The following PPM1D variants were observed in gnomAD, a reference collection of about 807,000 sequenced individuals.
The protein encoded by PPM1D is protein phosphatase 1D.
PPM1D carries 52 observed loss-of-function variants against 58.3 expected under a neutral mutation model. That is an observed-to-expected ratio of 0.89 (90% CI 0.71 to 1.12). PPM1D has a LOEUF of 1.12. Among genes scored for constraint, PPM1D ranks in the 50% most tolerant of loss-of-function variants. PPM1D has a pLI of 0.00. For synonymous variants in PPM1D, 278 were observed against 285.1 expected (o/e 0.98, Z 0.25); for missense variants, 564 against 777.2 (o/e 0.73, Z 3.26).
At position 60,666,159 on chromosome 17, in the gene PPM1D, T is replaced by C. The variant is rs577349984; in HGVS notation, c.*2607T>C. 2.0e-5 allele frequency: 3 copies of C among 152,310 alleles called. No homozygotes were observed. Among genetic ancestry groups the C allele is most frequent in the South Asian group, 2.1e-4 (1 of 4,828 alleles). The allele number at this position is 152,310 out of a possible 1,614,324, so 9.4% of individuals were successfully genotyped here. On this transcript the variant is annotated 3_prime_UTR_variant, in exon 6 of 6. Coordinates refer to ENST00000305921, the MANE Select transcript of PPM1D (RefSeq NM_003620.4). ...GTTTTAGTAGGGTGTGCAATAGTTATGTTTTGGTAATAGCATTAATGAACA... is the reference window on the plus strand; with the variant it reads ...GTTTTAGTAGGGTGTGCAATAGTTACGTTTTGGTAATAGCATTAATGAACA...
intron 1 of PPM1D, among the ~76,000 whole-genome samples, chr17:60,614,021 T>TGAGGAGTGC (rs1567965651): frequency 1.6e-4 from 6 of 37,742 alleles, no homozygotes; most frequent in Non-Finnish European, 1.5e-3. Context: ...CTGAGGAGTG[T>TGAGGAGTGC]GGGCGCAAGG....
chr17:60,612,013 C>T (rs1412869747), intron 1 of PPM1D, among the ~76,000 whole-genome samples: 1 of 151,162 alleles, frequency 6.6e-6, no homozygotes, highest in Non-Finnish European at 1.5e-5. Context: ...CCACTGACTA[C>T]ATGTAGTCAG....
chr17:60,648,389 T>G (rs993696965), intron 4 of PPM1D, among the ~76,000 whole-genome samples: 3 of 137,666 alleles, frequency 2.2e-5, no homozygotes, highest in East Asian at 3.9e-4. Context: ...ATTTATCGTT[T>G]TTTTTTTTTT....
At chr17:60,626,845 A>G (rs937178903) in intron 2 of PPM1D, among the ~76,000 whole-genome samples, 7 of 152,146 alleles carry the variant, frequency 4.6e-5, no homozygotes, top group Non-Finnish European at 1.0e-4. Flanking sequence ...GCCCAGCTTC[A>G]GTAATGTTTT....
At chr17:60,640,604 G>A (rs778420268) in intron 3 of PPM1D, among the ~76,000 whole-genome samples, 15 of 152,104 alleles carry the variant, frequency 9.9e-5, no homozygotes, top group Admixed American at 2.0e-4. Context: ...ATATTGCATG[G>A]TGCTGAGGTT....
intron 3 of PPM1D, among the ~76,000 whole-genome samples, chr17:60,642,199 G>A (rs2031147418): frequency 6.6e-6 from 1 of 152,142 alleles, no homozygotes; most frequent in Non-Finnish European, 1.5e-5. Flanking sequence ...TGGTGAGTTT[G>A]TTGAAAGGTC....
chr17:60,610,797 C>A (rs572281803), intron 1 of PPM1D, among the ~76,000 whole-genome samples: 1 of 152,286 alleles, frequency 6.6e-6, no homozygotes, highest in East Asian at 1.9e-4. Context: ...ACTAGGGGAA[C>A]AATTGCTGGG....
chr17:60,600,609 G>A lies in PPM1D; in HGVS notation c.195G>A (p.Gly65=). The A allele has an allele frequency of 6.4e-7, 1 of 1,560,886 alleles. No individual in the cohort carries two copies. The highest frequency in any genetic ancestry group is 8.7e-7 in the Non-Finnish European group (1 of 1,154,464). Reference sequence around the variant, plus strand: ...CCCTTCCCGGCGGCGAAGTCTCGGGGAAAGGCCCAGCGGTGGCAGCCCGAG... The same window carrying A: ...CCCTTCCCGGCGGCGAAGTCTCGGGAAAAGGCCCAGCGGTGGCAGCCCGAG... ...PAALPGGEVS[G]KGPAVAAREA... The change falls in exon 1 of 6, where the codon GGG becomes GGA. Residue 65 remains glycine, a synonymous_variant. Transcript: ENST00000305921.
chr17:60,651,791 A>C (rs932013062), intron 4 of PPM1D, among the ~76,000 whole-genome samples: 6 of 152,218 alleles, frequency 3.9e-5, no homozygotes, highest in African/African-American at 1.4e-4. Context: ...TGAAGAAAAC[A>C]ATCTAAGTGA....
At chr17:60,657,290 G>A (rs62082135) in intron 5 of PPM1D, among the ~76,000 whole-genome samples, 1 of 152,108 alleles carries the variant, frequency 6.6e-6, no homozygotes, top group African/African-American at 2.4e-5. Flanking sequence ...CTGGTTGTCT[G>A]TTAACTCGTA....
At chr17:60,658,696 G>A (rs1344782576) in intron 5 of PPM1D, among the ~76,000 whole-genome samples, 1 of 151,940 alleles carries the variant, frequency 6.6e-6, no homozygotes, top group Non-Finnish European at 1.5e-5. Context: ...GGGCGTGGTG[G>A]CTCACGCCTG....
intron 1 of PPM1D, among the ~76,000 whole-genome samples, chr17:60,622,802 C>G (rs2030731939): frequency 6.6e-6 from 1 of 152,112 alleles, no homozygotes; most frequent in East Asian, 1.9e-4. Flanking sequence ...ATAGTTATTT[C>G]AAAAACAAAT....
At chr17:60,630,347 GT>G (rs1462177818) in intron 2 of PPM1D, among the ~76,000 whole-genome samples, 1 of 151,870 alleles carries the variant, frequency 6.6e-6, no homozygotes, top group Non-Finnish European at 1.5e-5. Flanking sequence ...TTTTAATAAT[GT>G]TTTTAGAAAG....
At position 60,600,849 on chromosome 17, in the gene PPM1D, C is replaced by G. The variant is rs755923321; in HGVS notation, c.435C>G (p.Gly145=). The G allele has an allele frequency of 1.9e-6, 3 of 1,612,990 alleles. No individual in the cohort carries two copies. In the African/African-American group the frequency reaches 4.0e-5, roughly 22 times the overall value. The part of the protein sequence containing the change: ...PAKVCAAIRK[G]FLACHLAMWK... ...AGGTTTGCGCTGCCATCCGCAAAGG[C>G]TTTCTCGCTTGTCACCTTGCCATGT... is the stretch of plus-strand genomic sequence containing the variant. The change falls in exon 1 of 6, where the codon GGC becomes GGG. Residue 145 remains glycine, a synonymous_variant. Coordinates refer to ENST00000305921, the MANE Select transcript of PPM1D (RefSeq NM_003620.4).
chr17:60,600,318 G>C lies in PPM1D; in HGVS notation c.-97G>C. 6.8e-7 allele frequency: 1 copy of C among 1,471,414 alleles called. No homozygotes were observed. Among genetic ancestry groups the C allele is most frequent in the South Asian group, 1.3e-5 (1 of 77,908 alleles). The allele number at this position is 1,471,414 out of a possible 1,614,324, so 91.1% of individuals were successfully genotyped here. ...CCCCCTCCCCCTTCTCGGCGTCGTC[G>C]AAGATAAACAATAGTTGGCCGGCGA... On this transcript the variant is annotated 5_prime_UTR_variant, in exon 1 of 6. Transcript: ENST00000305921.
chr17:60,645,498 G>GTGTGTGTATGTGTA (rs1555647660), intron 3 of PPM1D, among the ~76,000 whole-genome samples: 3 of 130,220 alleles, frequency 2.3e-5, no homozygotes, highest in East Asian at 2.3e-4. Context: ...GTGTGTATGT[G>GTGTGTGTATGTGTA]TATATATATA....
chr17:60,622,233 A>C (rs1032492610), intron 1 of PPM1D, among the ~76,000 whole-genome samples: 1 of 150,252 alleles, frequency 6.7e-6, no homozygotes, highest in Non-Finnish European at 1.5e-5. Flanking sequence ...TTTATTACTG[A>C]TTTTTCTTTT....
At chr17:60,651,522 C>T (rs766216848) in intron 4 of PPM1D, among the ~76,000 whole-genome samples, 7 of 151,716 alleles carry the variant, frequency 4.6e-5, no homozygotes, top group African/African-American at 1.7e-4. Context: ...CTCAGCCTCC[C>T]GAGTAGCTGG....
chr17:60,649,299 T>A (rs140006262), intron 4 of PPM1D, among the ~76,000 whole-genome samples: 5 of 152,274 alleles, frequency 3.3e-5, no homozygotes, highest in Non-Finnish European at 7.4e-5. Context: ...AGATGGGTTA[T>A]CCTTAGAAAA....
Sources: allele counts gnomAD v4.1 joint callset (sites outside exome capture counted in the v4.1 genomes callset), GRCh38; gene constraint gnomAD v4.1.1; transcripts MANE v1.5; gene names NCBI Gene and HGNC (gene_info 2026-07-23, HGNC 2026-07-21).